NECAB2: variants seen among roughly 807,000 people sequenced by gnomAD.
The protein encoded by NECAB2 is N-terminal EF-hand calcium binding protein 2, also known as N-terminal EF-hand calcium-binding protein 2.
In NECAB2, 68 loss-of-function variants were observed where a neutral mutation model predicts 51.9. The observed-to-expected ratio is 1.31, with a 90% CI of 1.08 to 1.60. The LOEUF is 1.60. NECAB2 is among the 40% of genes most tolerant of loss of function. The pLI is 0.00. For synonymous variants in NECAB2, 329 were observed against 203.5 expected, an observed-to-expected ratio of 1.62 and a Z score of -5.25; for missense variants, 854 against 490.3, an observed-to-expected ratio of 1.74 and a Z score of -7.00.
At chr16:83,983,418 G>T (rs185134190) in intron 5 of NECAB2, among the ~76,000 whole-genome samples, 1 of 152,096 alleles carries the variant, frequency 6.6e-6, no homozygotes. Flanking sequence ...CCTGATTTTC[G>T]AGTGCATCTC....
chr16:83,983,193 T>C (rs1439224394), intron 5 of NECAB2, among the ~76,000 whole-genome samples: 3 of 152,156 alleles, frequency 2.0e-5, no homozygotes, highest in Non-Finnish European at 4.4e-5. Context: ...TCCTAAGTGG[T>C]TTTTGTTTGT....
At chr16:83,983,393 C>T (rs2084513344) in intron 5 of NECAB2, among the ~76,000 whole-genome samples, 1 of 152,196 alleles carries the variant, frequency 6.6e-6, no homozygotes, top group African/African-American at 2.4e-5. Flanking sequence ...CACGGCCAGG[C>T]ATGCTTGTTT....
chr16:83,967,732 A>G (rs1597188079), upstream of NECAB2, among the ~76,000 whole-genome samples: 3 of 127,944 alleles, frequency 2.3e-5, no homozygotes, highest in Non-Finnish European at 3.3e-5. Flanking sequence ...GGATGGATGG[A>G]TGGATGGATG....
Position 84,002,633 on chromosome 16 carries a change from T to C in NECAB2, c.*287T>C, listed in dbSNP as rs2151105883. 1.9e-6 allele frequency: 1 copy of C among 534,696 alleles called. No individual in the cohort carries two copies. Among genetic ancestry groups the C allele is most frequent in the Non-Finnish European group, 3.4e-6 (1 of 296,816 alleles). The allele number at this position is 534,696 out of a possible 1,614,324, so 33.1% of individuals were successfully genotyped here. ...CCTGGCCTCTCCCCTACCCCTCACATGGCCACGCATGACCCACACTGACCA... is the reference window on the plus strand; with the variant it reads ...CCTGGCCTCTCCCCTACCCCTCACACGGCCACGCATGACCCACACTGACCA... On this transcript the variant is annotated 3_prime_UTR_variant, in exon 13 of 13. Coordinates refer to ENST00000305202, the MANE Select transcript of NECAB2 (RefSeq NM_019065.3).
chr16:83,989,238 G>A (rs2084591528), intron 5 of NECAB2, among the ~76,000 whole-genome samples: 1 of 152,132 alleles, frequency 6.6e-6, no homozygotes, highest in Non-Finnish European at 1.5e-5. Context: ...TTCAGCTGCG[G>A]GAACCTGCCA....
At position 83,975,203 on chromosome 16, in the gene NECAB2, C is replaced by T. The variant is rs183725651; in HGVS notation, c.226+3028C>T. 8.2e-3 allele frequency among the ~76,000 whole-genome samples: 1,101 copies of T among 133,856 alleles called. 7 individuals carry two copies. Among genetic ancestry groups the T allele is most frequent in the Non-Finnish European group, 0.013 (818 of 64,940 alleles). The allele number at this position is 133,856 out of a possible 152,430, so 87.8% of individuals were successfully genotyped here. On this transcript the variant is annotated intron_variant, in intron 2 of 12. Transcript: ENST00000305202. Reference sequence around the variant, plus strand: ...ACAGGTGTGCAGGGAGGTGTTGGTGCGGGGATGGGAACAGGTGTGCAGGGA... The same window carrying T: ...ACAGGTGTGCAGGGAGGTGTTGGTGTGGGGATGGGAACAGGTGTGCAGGGA...
Position 83,990,637 on chromosome 16 carries a change from C to G in NECAB2, c.596+7C>G, listed in dbSNP as rs368695222. 4.6e-4 allele frequency: 744 copies of G among 1,613,914 alleles called. No individual in the cohort carries two copies. The highest frequency in any genetic ancestry group is 5.6e-4 in the Non-Finnish European group (655 of 1,179,968). ...AACAGACCAGCCAGCTCCGGTGAGT[C>G]TCTGAGACCCTGCAGGGTCCCATGG... On this transcript the variant is annotated splice_region_variant and intron_variant, in intron 6 of 12. Transcript: ENST00000305202.
At chr16:83,996,513 T>C (rs1464211243) in intron 8 of NECAB2, among the ~76,000 whole-genome samples, 1 of 152,168 alleles carries the variant, frequency 6.6e-6, no homozygotes, top group Non-Finnish European at 1.5e-5. Context: ...TGGTCTGTCC[T>C]CATGGAGGAT....
chr16:84,001,074 A>C (rs1933517018), intron 11 of NECAB2, among the ~76,000 whole-genome samples: 1 of 152,060 alleles, frequency 6.6e-6, no homozygotes, highest in Non-Finnish European at 1.5e-5. Flanking sequence ...CTCCTGGAAC[A>C]GCCCTGGGGG....
intron 6 of NECAB2, 51 bp from the exon 7 acceptor site, chr16:83,994,251 G>A: frequency 6.5e-7 from 1 of 1,544,896 alleles, no homozygotes; most frequent in Middle Eastern, 1.7e-4. Context: ...GAAGTGGTAA[G>A]GGCCCTGAAG....
chr16:84,002,306 C>A lies in NECAB2; in HGVS notation c.1133-12C>A, dbSNP rs1489463207. ...CGCACTCCTTCCCTCTAACGTGTCT[C>A]TCTCCTTTTAGCTGCTTGGTGCACG... On this transcript the variant is annotated splice_polypyrimidine_tract_variant and intron_variant, in intron 12 of 12. Coordinates refer to ENST00000305202, the MANE Select transcript of NECAB2 (RefSeq NM_019065.3). 1 of 1,613,888 alleles carries A rather than the reference C, an allele frequency of 6.2e-7. No homozygotes were observed. The highest frequency in any genetic ancestry group is 1.7e-5 in the Admixed American group (1 of 60,020).
intron 1 of NECAB2, 140 bp from the exon 2 acceptor site, chr16:83,972,011 G>A: frequency 1.8e-6 from 2 of 1,123,730 alleles, no homozygotes; most frequent in Non-Finnish European, 2.6e-6. Flanking sequence ...CCGGGGAGGG[G>A]GAGAGGGAAG....
intron 11 of NECAB2, among the ~76,000 whole-genome samples, chr16:84,001,515 C>G (rs1259450802): frequency 1.3e-5 from 2 of 152,128 alleles, no homozygotes; most frequent in East Asian, 3.9e-4. Flanking sequence ...TCTGTGTTGT[C>G]ATGGGTCCCA....
intron 2 of NECAB2, among the ~76,000 whole-genome samples, chr16:83,974,816 G>GT (rs1567664289): frequency 6.6e-6 from 1 of 152,114 alleles, no homozygotes; most frequent in African/African-American, 2.4e-5. Flanking sequence ...TGAGTGTAGG[G>GT]GTGAGAATAG....
At chr16:83,996,320 C>T (rs2084698010) in intron 8 of NECAB2, among the ~76,000 whole-genome samples, 1 of 152,214 alleles carries the variant, frequency 6.6e-6, no homozygotes, top group Admixed American at 6.5e-5. Context: ...TGTGTGCCCC[C>T]AGAAGGCAGT....
At chr16:83,998,656 C>G (rs879811875) in intron 10 of NECAB2, among the ~76,000 whole-genome samples, 4 of 152,196 alleles carry the variant, frequency 2.6e-5, no homozygotes, top group African/African-American at 7.2e-5. Context: ...GCCCCGTGCG[C>G]TCAGTCAGCC....
intron 6 of NECAB2, chr16:83,993,454 C>G (rs73248824): frequency 0.13 from 20,144 of 154,082 alleles, 2,444 homozygotes; most frequent in African/African-American, 0.33. Flanking sequence ...AGAGACCAAG[C>G]GGGTGTTGGG....
At chr16:83,984,208 G>A (rs942167254) in intron 5 of NECAB2, among the ~76,000 whole-genome samples, 8 of 151,686 alleles carry the variant, frequency 5.3e-5, no homozygotes, top group African/African-American at 1.7e-4. Flanking sequence ...TGTTAGCCAG[G>A]ATGGTCTCCA....
At chr16:83,996,816 T>C (rs146547317) in intron 8 of NECAB2, among the ~76,000 whole-genome samples, 26 of 152,246 alleles carry the variant, frequency 1.7e-4, no homozygotes, top group Non-Finnish European at 1.5e-4. Context: ...AGATTGTGTA[T>C]TTGTAAACCA....
Sources: gnomAD v4.1 joint callset for allele counts (sites outside exome capture counted in the v4.1 genomes callset) on GRCh38, gnomAD v4.1.1 for gene constraint, MANE v1.5 for transcripts, NCBI Gene and HGNC (gene_info 2026-07-23, HGNC 2026-07-21) for gene names.